The following MAP1LC3C variants were observed in gnomAD, a reference collection of about 807,000 sequenced individuals.
MAP1LC3C encodes microtubule associated protein 1 light chain 3 gamma.
Under a neutral mutation model 10.4 loss-of-function variants are expected in MAP1LC3C, and 12 were observed. The ratio of observed to expected loss-of-function variants is 1.15; its 90% CI spans 0.74 to 1.86. The LOEUF is 1.86. Among genes scored for constraint, MAP1LC3C ranks in the 40% most tolerant of loss-of-function variants. The pLI is 0.00. For synonymous variants in MAP1LC3C, 70 were observed against 69.0 expected (o/e 1.01, Z -0.07); for missense variants, 177 against 185.7 (o/e 0.95, Z 0.27).
chr1:241,996,180 G>A lies in MAP1LC3C; in HGVS notation c.427C>T (p.Pro143Ser). The change falls in exon 4 of 4, where the codon CCC becomes TCC. Residue 143 changes from proline (P) to serine (S), a missense_variant. Pro to Ser is a moderately conservative substitution (Grantham distance 74). Coordinates refer to ENST00000357246, the MANE Select transcript of MAP1LC3C (RefSeq NM_001004343.3). ...PRDGSSLEDRPCNPL is the reference protein window; with the variant it reads ...PRDGSSLEDRSCNPL Reference sequence around the variant, plus strand: ...GACATGGGCTAGAGAGGATTGCAGGGTCTGTCCTCAAGGCTGCTCCCATCC... The same window carrying A: ...GACATGGGCTAGAGAGGATTGCAGGATCTGTCCTCAAGGCTGCTCCCATCC... 6.2e-7 allele frequency: 1 copy of A among 1,613,926 alleles called. No individual in the cohort carries two copies. The highest frequency in any genetic ancestry group is 8.5e-7 in the Non-Finnish European group (1 of 1,179,958).
intron 3 of MAP1LC3C, 40 bp downstream of exon 3, chr1:241,998,474 C>A: frequency 6.4e-7 from 1 of 1,573,646 alleles, no homozygotes; most frequent in Non-Finnish European, 8.7e-7. Flanking sequence ...CCCGGCGCAC[C>A]CAGCGCACCT....
intron 2 of MAP1LC3C, 30 bp downstream of exon 2, chr1:241,998,745 GC>G (rs1558179567): frequency 1.3e-5 from 21 of 1,586,272 alleles, no homozygotes; most frequent in Non-Finnish European, 1.7e-5. Flanking sequence ...CCACCCCCAC[GC>G]CCCCCAGCGG....
rs149036040 is a variant in MAP1LC3C, at chr1:241,997,170, G to A, written c.222-785C>T. Among the ~76,000 whole-genome samples the A allele has an allele frequency of 4.9e-3, 745 of 152,014 alleles. 8 individuals are homozygous for A. Among genetic ancestry groups the A allele is most frequent in the African/African-American group, 0.017 (716 of 41,478 alleles). ...CTGCCTTGGCTTCCCAAAGTGCTGG[G>A]ATTACAGTGTGAGCCACTGCGCCTG... On this transcript the variant is annotated intron_variant, in intron 3 of 3. Transcript: ENST00000357246.
At chr1:241,997,191 G>T (rs1665102801) in intron 3 of MAP1LC3C, among the ~76,000 whole-genome samples, 1 of 152,094 alleles carries the variant, frequency 6.6e-6, no homozygotes, top group Middle Eastern at 3.4e-3. Context: ...GAGCCACTGC[G>T]CCTGGCCCTA....
chr1:242,001,278 GA>G (rs891609607), upstream of MAP1LC3C, among the ~76,000 whole-genome samples: 15 of 146,684 alleles, frequency 1.0e-4, no homozygotes, highest in African/African-American at 3.8e-4. Flanking sequence ...CTCCACCTCA[GA>G]AAAAAATAAA....
upstream of MAP1LC3C, among the ~76,000 whole-genome samples, chr1:242,001,354 C>A (rs144943063): frequency 1.2e-3 from 183 of 152,186 alleles, no homozygotes; most frequent in Middle Eastern, 0.027. Flanking sequence ...TGGCTCACAC[C>A]TGTAATCCCA....
At chr1:242,001,252 G>A (rs980060351), upstream of MAP1LC3C, among the ~76,000 whole-genome samples, 5 of 151,980 alleles carry the variant, frequency 3.3e-5, no homozygotes, top group Admixed American at 6.6e-5. Flanking sequence ...ACTCCAGCCT[G>A]GGCAACGGAG....
At chr1:241,999,389 G>A (rs1036112095), upstream of MAP1LC3C, among the ~76,000 whole-genome samples, 1 of 151,510 alleles carries the variant, frequency 6.6e-6, no homozygotes, top group African/African-American at 2.4e-5. Context: ...TAGCAAGGGG[G>A]GGTCCAAGCT....
At chr1:241,998,179 C>G (rs180912740) in intron 3 of MAP1LC3C, among the ~76,000 whole-genome samples, 1 of 151,986 alleles carries the variant, frequency 6.6e-6, no homozygotes, top group African/African-American at 2.4e-5. Context: ...CCCGCCACCA[C>G]GCCTAGCTAA....
upstream of MAP1LC3C, chr1:241,999,164 C>G: frequency 2.2e-6 from 3 of 1,378,576 alleles, no homozygotes; most frequent in Non-Finnish European, 2.8e-6. Flanking sequence ...CCTCTCCCTC[C>G]CCTCTCCCCA....
chr1:241,997,190 C>T (rs1274408058), intron 3 of MAP1LC3C, among the ~76,000 whole-genome samples: 2 of 152,054 alleles, frequency 1.3e-5, no homozygotes, highest in Non-Finnish European at 2.9e-5. Context: ...TGAGCCACTG[C>T]GCCTGGCCCT....
upstream of MAP1LC3C, among the ~76,000 whole-genome samples, chr1:242,000,736 C>G (rs1442807775): frequency 6.6e-6 from 1 of 152,144 alleles, no homozygotes; most frequent in Non-Finnish European, 1.5e-5. Flanking sequence ...CCAGGAACCT[C>G]CACGTGTTCA....
Position 241,999,003 on chromosome 1 carries a change from C to A in MAP1LC3C, c.6G>T (p.Pro2=), listed in dbSNP as rs145416731. ...TGACGCTTGGGATTTTCTGTGGAGG[C>A]GGCATTGCACTCAGTAGCTGTGTCT... The part of the protein sequence containing the change: M[P]PPQKIPSVRP... Residue 2 remains proline, a synonymous_variant, in exon 1 of 4, where the codon CCG becomes CCT. Transcript: ENST00000357246. 19 of 1,607,938 alleles carry A rather than the reference C, an allele frequency of 1.2e-5. No individual in the cohort carries two copies. Among genetic ancestry groups the A allele is most frequent in the Non-Finnish European group, 1.6e-5 (19 of 1,178,762 alleles).
Position 241,996,083 on chromosome 1 carries a change from A to C in MAP1LC3C, c.*80T>G, listed in dbSNP as rs1665077170. 3 of 1,311,864 alleles carry C rather than the reference A, an allele frequency of 2.3e-6. No homozygotes were observed. 81.3% of individuals were successfully genotyped at this position (1,311,864 alleles called of 1,614,324 possible). On this transcript the variant is annotated 3_prime_UTR_variant, in exon 4 of 4. Coordinates refer to ENST00000357246, the MANE Select transcript of MAP1LC3C (RefSeq NM_001004343.3). The stretch of plus-strand genomic sequence containing the variant: ...GCATCCCTGCTTCTCAGACTCCTCC[A>C]CTGTATACACAGGAGAAAACCAATC...
At position 241,995,941 on chromosome 1, in the gene MAP1LC3C, T is replaced by A; in HGVS notation, c.*222A>T. 2.3e-6 allele frequency: 1 copy of A among 444,242 alleles called. No individual in the cohort carries two copies. Among genetic ancestry groups the A allele is most frequent in the Non-Finnish European group, 4.0e-6 (1 of 248,704 alleles). 27.5% of individuals were successfully genotyped at this position (444,242 alleles called of 1,614,324 possible). A position where few individuals can be genotyped will look rare whatever the true frequency, so the allele number is the denominator to read the frequency against. On this transcript the variant is annotated 3_prime_UTR_variant, in exon 4 of 4. Coordinates refer to ENST00000357246, the MANE Select transcript of MAP1LC3C (RefSeq NM_001004343.3). ...TTCAAAAAAAAAAAAATGATAATTA[T>A]ATAACTTTCAAGAGCAGCCCACATT...
upstream of MAP1LC3C, chr1:241,999,126 A>C: frequency 6.8e-7 from 1 of 1,465,924 alleles, no homozygotes; most frequent in Non-Finnish European, 8.9e-7. Context: ...GGAGGCCCTT[A>C]TGTAGGGCTG....
rs968797461 is a variant in MAP1LC3C, at chr1:241,996,059, C to G, written c.*104G>C. 10 of 1,018,902 alleles carry G rather than the reference C, an allele frequency of 9.8e-6. No individual in the cohort carries two copies. In the African/African-American group the frequency reaches 1.4e-4, roughly 15 times the overall value. 63.1% of individuals were successfully genotyped at this position (1,018,902 alleles called of 1,614,324 possible). A position where few individuals can be genotyped will look rare whatever the true frequency, so the allele number is the denominator to read the frequency against. On this transcript the variant is annotated 3_prime_UTR_variant, in exon 4 of 4. Coordinates refer to ENST00000357246, the MANE Select transcript of MAP1LC3C (RefSeq NM_001004343.3). ...ACTGGTTGGAGCTGATCACCCCAGG[C>G]ATCCCTGCTTCTCAGACTCCTCCAC...
upstream of MAP1LC3C, among the ~76,000 whole-genome samples, chr1:241,999,321 G>A (rs989921852): frequency 6.6e-6 from 1 of 152,184 alleles, no homozygotes; most frequent in Non-Finnish European, 1.5e-5. Flanking sequence ...ATCATTGGCT[G>A]GGCAGCGGAC....
chr1:241,999,508 C>T (rs1046709175), upstream of MAP1LC3C, among the ~76,000 whole-genome samples: 1 of 152,136 alleles, frequency 6.6e-6, no homozygotes, highest in Non-Finnish European at 1.5e-5. Flanking sequence ...CTCGAGGGCA[C>T]ACAGCAAGTA....
Sources: allele counts gnomAD v4.1 joint callset (sites outside exome capture counted in the v4.1 genomes callset), GRCh38; gene constraint gnomAD v4.1.1; transcripts MANE v1.5; gene names NCBI Gene and HGNC (gene_info 2026-07-23, HGNC 2026-07-21).